BCAS3: variants seen among roughly 807,000 people sequenced by gnomAD.
BCAS3 encodes the protein BCAS4/BCAS3 fusion.
BCAS3 carries 53 observed loss-of-function variants against 116.1 expected under a neutral mutation model. The ratio of observed to expected loss-of-function variants is 0.46; its 90% CI spans 0.37 to 0.57. The LOEUF (loss-of-function observed/expected upper bound fraction) is 0.57, where lower values mean the gene tolerates loss of function less well. BCAS3 is among the 20% of genes least tolerant of loss of function. BCAS3 has a pLI of 0.00. For synonymous variants in BCAS3, 391 were observed against 408.2 expected (o/e 0.96, Z 0.51); for missense variants, 917 against 1,165.4 (o/e 0.79, Z 3.10).
At position 60,699,580 on chromosome 17, in the gene BCAS3, AAT is replaced by A. The variant is rs1384343883; in HGVS notation, c.215-9638_215-9637del. On this transcript the variant is annotated intron_variant, in intron 4 of 23. Transcript: ENST00000407086. ...TTATGCCCTAGGTACATAAGTTTAT[AAT>A]TCTGAATTTTGCTGGATATGGAATC... is the stretch of plus-strand genomic sequence containing the variant. Among the ~76,000 whole-genome samples, 233 of 152,268 alleles carry A rather than the reference AAT, an allele frequency of 1.5e-3. 1 individual carries two copies. The highest frequency in any genetic ancestry group is 5.4e-3 in the African/African-American group (226 of 41,556).
At chr17:60,715,521 C>G (rs1455024392) in intron 5 of BCAS3, among the ~76,000 whole-genome samples, 1 of 152,108 alleles carries the variant, frequency 6.6e-6, no homozygotes, top group Non-Finnish European at 1.5e-5. Flanking sequence ...TGGAGTCTCT[C>G]TGTGACACTC....
chr17:60,812,797 T>A (rs2048958270), intron 7 of BCAS3, among the ~76,000 whole-genome samples: 2 of 152,154 alleles, frequency 1.3e-5, no homozygotes, highest in African/African-American at 2.4e-5. Context: ...CCAGGTGCAG[T>A]GGTCCAATCA....
intron 22 of BCAS3, among the ~76,000 whole-genome samples, chr17:61,177,870 A>G (rs917571): frequency 0.64 from 97,206 of 152,030 alleles, 34,835 homozygotes; most frequent in South Asian, 0.86. Flanking sequence ...TTGTTTCCAA[A>G]CCCATCATTA....
In BCAS3 at chr17:61,315,116, T is replaced by G. The variant is rs1021088627; in HGVS notation, c.2426-53211T>G. Among the ~76,000 whole-genome samples the G allele has an allele frequency of 6.6e-6, 1 of 152,064 alleles. No individual in the cohort carries two copies. The highest frequency in any genetic ancestry group is 2.1e-4 in the South Asian group (1 of 4,824). On this transcript the variant is annotated intron_variant, in intron 22 of 23. Transcript: ENST00000407086. This position sits in a 1 kb window ranked among gnomAD's most constrained non-coding sequence, Gnocchi z 5.3. ...ACACTGCTCAGCCTACACTCCCTTT[T>G]CTTTTTCTTTTTTTCGCGAGACAGA...
chr17:61,301,685 T>C (rs987267750), intron 22 of BCAS3, among the ~76,000 whole-genome samples: 3 of 152,214 alleles, frequency 2.0e-5, no homozygotes, highest in African/African-American at 7.2e-5. Context: ...GGTTGCTAAC[T>C]ACTGTTTTCT....
intron 5 of BCAS3, among the ~76,000 whole-genome samples, chr17:60,710,431 A>AT (rs529286931): frequency 0.018 from 2,390 of 135,448 alleles, 25 homozygotes; most frequent in South Asian, 0.032. Flanking sequence ...ATTCTTTAAC[A>AT]TTTTTTTTTT....
Position 61,259,369 on chromosome 17 carries a change from T to C in BCAS3, c.2426-108958T>C, listed in dbSNP as rs1272408654. The stretch of plus-strand genomic sequence containing the variant: ...CAGGGTTATGGTCAGGGTTCCAGTA[T>C]GGTTTGTGCTTTTGTTCCTTCTTGG... On this transcript the variant is annotated intron_variant, in intron 22 of 23. Coordinates refer to ENST00000407086, the MANE Select transcript of BCAS3 (RefSeq NM_017679.5). This position sits in a 1 kb window ranked among gnomAD's most constrained non-coding sequence, Gnocchi z 4.7. Among the ~76,000 whole-genome samples the C allele has an allele frequency of 6.6e-6, 1 of 152,158 alleles. No homozygotes were observed. The highest frequency in any genetic ancestry group is 6.5e-5 in the Admixed American group (1 of 15,276).
intron 6 of BCAS3, among the ~76,000 whole-genome samples, chr17:60,798,927 T>C (rs1466768762): frequency 6.6e-6 from 1 of 152,216 alleles, no homozygotes; most frequent in Non-Finnish European, 1.5e-5. Flanking sequence ...CATAATAACA[T>C]ATAACTTCGA....
At chr17:61,045,988 TTTA>T (rs1179977268) in intron 19 of BCAS3, among the ~76,000 whole-genome samples, 3 of 8,570 alleles carry the variant, frequency 3.5e-4, no homozygotes, top group African/African-American at 1.7e-3. Context: ...TATATATATA[TTTA>T]TATATATATA....
intron 22 of BCAS3, among the ~76,000 whole-genome samples, chr17:61,230,555 A>G (rs754066681): frequency 7.2e-5 from 11 of 152,092 alleles, no homozygotes; most frequent in Non-Finnish European, 1.3e-4. Context: ...AACATGTGGT[A>G]TTTGGTTTTC....
chr17:60,776,504 A>G (rs986496459), intron 6 of BCAS3, among the ~76,000 whole-genome samples: 1 of 152,036 alleles, frequency 6.6e-6, no homozygotes, highest in African/African-American at 2.4e-5. Context: ...GCGGATCACA[A>G]GGTCAGGAGT....
chr17:60,775,119 T>C (rs535786947), intron 6 of BCAS3, among the ~76,000 whole-genome samples: 1 of 152,320 alleles, frequency 6.6e-6, no homozygotes, highest in East Asian at 1.9e-4. Flanking sequence ...TTAAAAATTT[T>C]AATGTATCTT....
rs903078094 is a variant in BCAS3 at position 61,034,286 on chromosome 17, A to T, written c.1638-380A>T. Among the ~76,000 whole-genome samples, 2 of 152,252 alleles carry T rather than the reference A, an allele frequency of 1.3e-5. No individual in the cohort carries two copies. Among genetic ancestry groups the T allele is most frequent in the African/African-American group, 4.8e-5 (2 of 41,462 alleles). On this transcript the variant is annotated intron_variant, in intron 16 of 23. Coordinates refer to ENST00000407086, the MANE Select transcript of BCAS3 (RefSeq NM_017679.5). This position sits in a 1 kb window ranked among gnomAD's most constrained non-coding sequence, Gnocchi z 5.0. ...ACAATTACTTTTGCATCAACCTAAT[A>T]TATATAGAAATGAAGTGATAAACCA... is the stretch of plus-strand genomic sequence containing the variant.
chr17:60,942,702 C>T (rs1163568279), intron 13 of BCAS3, among the ~76,000 whole-genome samples: 1 of 152,028 alleles, frequency 6.6e-6, no homozygotes, highest in Non-Finnish European at 1.5e-5. Context: ...TTATGTTTGC[C>T]AAAGAAATAG....
intron 22 of BCAS3, among the ~76,000 whole-genome samples, chr17:61,172,361 C>T (rs994928079): frequency 2.6e-5 from 4 of 152,232 alleles, no homozygotes; most frequent in African/African-American, 7.2e-5. Flanking sequence ...TCTGGCCGGG[C>T]GTGGTGGCTT....
rs183566774 is a variant in BCAS3 at position 61,231,706 on chromosome 17, G to A, written c.2426-136621G>A. 6.0e-4 allele frequency among the ~76,000 whole-genome samples: 91 copies of A among 151,868 alleles called. 2 individuals carry two copies. The East Asian group carries it at 0.01, about 17-fold the overall frequency. On this transcript the variant is annotated intron_variant, in intron 22 of 23. Coordinates refer to ENST00000407086, the MANE Select transcript of BCAS3 (RefSeq NM_017679.5). The stretch of plus-strand genomic sequence containing the variant: ...AGCCTGGGCAACATAGCAAGACACC[G>A]TCTCTACAAAATAATTTTACCATTA...
chr17:60,745,470 C>T (rs535673599), intron 5 of BCAS3, among the ~76,000 whole-genome samples: 2 of 151,744 alleles, frequency 1.3e-5, no homozygotes, highest in Non-Finnish European at 2.9e-5. Flanking sequence ...CATATATATG[C>T]TTAAAATAAA....
At chr17:60,927,419 ATT>A (rs1026172617) in intron 13 of BCAS3, among the ~76,000 whole-genome samples, 16 of 150,844 alleles carry the variant, frequency 1.1e-4, no homozygotes, top group Admixed American at 2.0e-4. Context: ...CGCCCAGCTA[ATT>A]TTTTTTTGTA....
At chr17:61,002,684 A>G (rs1169372307) in intron 15 of BCAS3, 4 of 152,286 alleles carry the variant, frequency 2.6e-5, no homozygotes, top group South Asian at 2.1e-4. Context: ...CTGAGTGAAT[A>G]CCATTGAATG....
Sources: gnomAD v4.1 joint callset for allele counts (sites outside exome capture counted in the v4.1 genomes callset) on GRCh38, gnomAD v4.1.1 for gene constraint, Gnocchi (gnomAD v3.1) non-coding constraint, MANE v1.5 for transcripts, NCBI Gene and HGNC (gene_info 2026-07-23, HGNC 2026-07-21) for gene names.